EZH2: variants seen among roughly 807,000 people sequenced by gnomAD.
EZH2 encodes the protein enhancer of zeste 2 polycomb repressive complex 2 subunit, also known as histone-lysine N-methyltransferase EZH2.
A neutral mutation model predicts 98.4 loss-of-function variants in EZH2; 18 were observed. That is an observed-to-expected ratio of 0.18 (90% CI 0.13 to 0.27). The LOEUF is 0.27. Among genes scored for constraint, EZH2 ranks in the 10% least tolerant of loss-of-function variants. The pLI is 1.00. For synonymous variants in EZH2, 338 were observed against 312.3 expected (o/e 1.08, Z -0.87); for missense variants, 470 against 935.1 (o/e 0.50, Z 6.49).
intron 15 of EZH2, among the ~76,000 whole-genome samples, chr7:148,813,452 T>C (rs1379390408): frequency 2.0e-5 from 3 of 151,906 alleles, no homozygotes; most frequent in Non-Finnish European, 4.4e-5. Context: ...ACTAAAAATA[T>C]ATAGTTCCTA....
In EZH2 at chr7:148,831,427, T is replaced by C. The variant is rs190893234; in HGVS notation, c.363+1207A>G. Reference sequence around the variant, plus strand: ...TAGATATTTTGTCTTTTCAATCATATCCACATCATCCTGCTCTCCAAAACG... The same window carrying C: ...TAGATATTTTGTCTTTTCAATCATACCCACATCATCCTGCTCTCCAAAACG... On this transcript the variant is annotated intron_variant, in intron 4 of 19. Coordinates refer to ENST00000320356, the MANE Select transcript of EZH2 (RefSeq NM_004456.5). 2.5e-3 allele frequency among the ~76,000 whole-genome samples: 375 copies of C among 152,306 alleles called. 2 individuals are homozygous for C. The highest frequency in any genetic ancestry group is 8.7e-3 in the African/African-American group (360 of 41,572).
In EZH2 at chr7:148,857,526, C is replaced by T. The variant is rs111552723; in HGVS notation, c.-7-10221G>A. 7.8e-3 allele frequency among the ~76,000 whole-genome samples: 1,185 copies of T among 152,096 alleles called. 7 individuals carry two copies. Among genetic ancestry groups the T allele is most frequent in the Non-Finnish European group, 0.011 (726 of 67,998 alleles). On this transcript the variant is annotated intron_variant, in intron 1 of 19. Transcript: ENST00000320356. ...CAGCACTTTGGGAGGCTGAGGCAGG[C>T]GGATCACGTAAGTCAGGAGTTCAAG...
Position 148,817,136 on chromosome 7 carries a change from C to T in EZH2, c.1410+86G>A. Reference sequence around the variant, plus strand: ...AGATGAATAGGAGCTTAGTAATAACCAAGAATTTTCTTTGTTTGGACAACG... The same window carrying T: ...AGATGAATAGGAGCTTAGTAATAACTAAGAATTTTCTTTGTTTGGACAACG... On this transcript the variant is annotated intron_variant, in intron 11 of 19. Transcript: ENST00000320356. The T allele has an allele frequency of 3.1e-6, 4 of 1,304,548 alleles. No homozygotes were observed. The South Asian group carries it at 6.8e-5, about 22-fold the overall frequency. 80.8% of individuals were successfully genotyped at this position (1,304,548 alleles called of 1,614,324 possible).
chr7:148,810,121 T>C (rs991738453), intron 17 of EZH2: 1 of 438,126 alleles, frequency 2.3e-6, no homozygotes, highest in Admixed American at 3.2e-5. Flanking sequence ...CAGCCGGGAC[T>C]CCAGAGAGGC....
intron 3 of EZH2, 34 bp from the exon 4 acceptor site, chr7:148,832,784 A>G (rs779755602): frequency 7.5e-7 from 1 of 1,335,104 alleles, no homozygotes; most frequent in Non-Finnish European, 1.1e-6. Context: ...ACTCTTAAGA[A>G]TAAAAGGACA....
chr7:148,862,188 C>CA (rs1817771262), intron 1 of EZH2, among the ~76,000 whole-genome samples: 1 of 152,058 alleles, frequency 6.6e-6, no homozygotes, highest in South Asian at 2.1e-4. Flanking sequence ...GAAATTGTAT[C>CA]AGTGAACTTT....
intron 8 of EZH2, among the ~76,000 whole-genome samples, chr7:148,824,650 G>A (rs1043316798): frequency 6.6e-6 from 1 of 152,114 alleles, no homozygotes; most frequent in Non-Finnish European, 1.5e-5. Context: ...CCGTCCATAA[G>A]TAATGCATGA....
In EZH2 at chr7:148,872,946, T is replaced by C. The variant is rs544917317; in HGVS notation, c.-8+11218A>G. Reference sequence around the variant, plus strand: ...ATCACTGGGATCTGATTCAAGCCTATAATCCCAGCTTTGGGAGGACAAGGT... The same window carrying C: ...ATCACTGGGATCTGATTCAAGCCTACAATCCCAGCTTTGGGAGGACAAGGT... On this transcript the variant is annotated intron_variant, in intron 1 of 19. Transcript: ENST00000320356. Among the ~76,000 whole-genome samples, 90 of 152,242 alleles carry C rather than the reference T, an allele frequency of 5.9e-4. 1 individual carries two copies. Among genetic ancestry groups the C allele is most frequent in the Admixed American group, 1.8e-3 (28 of 15,290 alleles).
intron 4 of EZH2, 99 bp downstream of exon 4, chr7:148,832,534 AT>A: frequency 1.4e-6 from 1 of 700,418 alleles, no homozygotes; most frequent in Non-Finnish European, 2.4e-6. Context: ...GCTTTTTAGA[AT>A]TTATACTGTC....
chr7:148,858,019 G>A (rs868642329), intron 1 of EZH2, among the ~76,000 whole-genome samples: 37 of 150,912 alleles, frequency 2.5e-4, no homozygotes, highest in South Asian at 8.3e-4. Flanking sequence ...GTGGCCAGGC[G>A]CAGTGGCTCA....
In EZH2 at chr7:148,817,951, G is replaced by A; in HGVS notation, c.1166C>T (p.Ala389Val). Residue 389 changes from alanine (A) to valine (V), a missense_variant, in exon 10 of 20, where the codon GCA (alanine) becomes GTA (valine). Ala to Val is a moderately conservative substitution (Grantham distance 64). Coordinates refer to ENST00000320356, the MANE Select transcript of EZH2 (RefSeq NM_004456.5). ...ESKDTDSDRE[A>V]GTETGGENND... ...GTTCTCTCCCCCCGTTTCAGTCCCT[G>A]CTTCCCTATCACTGTCTGTATCCTT... is the stretch of plus-strand genomic sequence containing the variant. 1 of 1,614,036 alleles carries A rather than the reference G, an allele frequency of 6.2e-7. No homozygotes were observed. The highest frequency in any genetic ancestry group is 8.5e-7 in the Non-Finnish European group (1 of 1,180,004).
At chr7:148,839,175 T>C (rs1451528624) in intron 3 of EZH2, among the ~76,000 whole-genome samples, 2 of 152,060 alleles carry the variant, frequency 1.3e-5, no homozygotes, top group Non-Finnish European at 2.9e-5. Context: ...GCTCGAGTGG[T>C]AGAACTGCCC....
intron 1 of EZH2, among the ~76,000 whole-genome samples, chr7:148,858,994 T>C (rs1436619824): frequency 1.3e-5 from 2 of 152,206 alleles, no homozygotes; most frequent in East Asian, 1.9e-4. Context: ...AGAGAAAAAC[T>C]GGTCTTTACC....
intron 3 of EZH2, among the ~76,000 whole-genome samples, chr7:148,836,614 T>C (rs1056178197): frequency 1.3e-5 from 2 of 152,188 alleles, no homozygotes; most frequent in African/African-American, 4.8e-5. Context: ...CTCAGGAACT[T>C]ACTAGGAGAC....
intron 1 of EZH2, chr7:148,883,376 C>T (rs1258138122): frequency 6.6e-6 from 1 of 152,350 alleles, no homozygotes; most frequent in African/African-American, 2.4e-5. Flanking sequence ...CGACTCTTCC[C>T]TCAAACTTAG....
intron 1 of EZH2, among the ~76,000 whole-genome samples, chr7:148,868,024 A>G (rs1818795364): frequency 6.6e-6 from 1 of 152,216 alleles, no homozygotes; most frequent in East Asian, 1.9e-4. Flanking sequence ...ATCTCTGTCC[A>G]TATCACTATC....
At chr7:148,833,070 A>AT (rs1452316983) in intron 3 of EZH2, among the ~76,000 whole-genome samples, 3 of 152,184 alleles carry the variant, frequency 2.0e-5, no homozygotes, top group African/African-American at 7.2e-5. Flanking sequence ...CTATACATTT[A>AT]TTTCCTAGCT....
chr7:148,809,398 G>C lies in EZH2; in HGVS notation c.2030-8C>G. ...TTGCATCCACCACAAAATCTAAAAA[G>C]AAAAAAGTAAGCACAGCCCAGTGAA... On this transcript the variant is annotated splice_polypyrimidine_tract_variant and splice_region_variant and intron_variant, in intron 17 of 19. Coordinates refer to ENST00000320356, the MANE Select transcript of EZH2 (RefSeq NM_004456.5). 2 of 1,592,212 alleles carry C rather than the reference G, an allele frequency of 1.3e-6. No individual in the cohort carries two copies. The highest frequency in any genetic ancestry group is 1.7e-6 in the Non-Finnish European group (2 of 1,163,470).
rs537672810 is a variant in EZH2, at chr7:148,819,460, T to C, written c.999+136A>G. On this transcript the variant is annotated intron_variant, in intron 9 of 19. Transcript: ENST00000320356. The stretch of plus-strand genomic sequence containing the variant: ...TACATGAGCTATGGAAGAAACAGCA[T>C]GGGTGAGAAAGCTCTGTCTATCATA... 17 of 658,708 alleles carry C rather than the reference T, an allele frequency of 2.6e-5. No individual in the cohort carries two copies. In the South Asian group the frequency reaches 3.1e-4, roughly 12 times the overall value. The allele number at this position is 658,708 out of a possible 1,614,324, so 40.8% of individuals were successfully genotyped here.
Sources: gnomAD v4.1 joint callset for allele counts (sites outside exome capture counted in the v4.1 genomes callset) on GRCh38, gnomAD v4.1.1 for gene constraint, MANE v1.5 for transcripts, NCBI Gene and HGNC (gene_info 2026-07-23, HGNC 2026-07-21) for gene names.